PLOD3: variants seen among roughly 807,000 people sequenced by gnomAD.
PLOD3 encodes procollagen-lysine,2-oxoglutarate 5-dioxygenase 3, also known as multifunctional procollagen lysine hydroxylase and glycosyltransferase LH3.
In PLOD3, 73 loss-of-function variants were observed where a neutral mutation model predicts 96.9. That is an observed-to-expected ratio of 0.75 (90% CI 0.62 to 0.92). PLOD3 has a LOEUF of 0.92. PLOD3 is among the 40% of genes least tolerant of loss of function. The pLI is 0.00. For synonymous variants in PLOD3, 454 were observed against 413.7 expected, an observed-to-expected ratio of 1.10 and a Z score of -1.18; for missense variants, 1,004 against 1,004.3, an observed-to-expected ratio of 1.00 and a Z score of 0.00.
intron 4 of PLOD3, 43 bp from the exon 5 acceptor site, chr7:101,216,063 C>T (rs957391746): frequency 6.2e-7 from 1 of 1,605,150 alleles, no homozygotes; most frequent in Non-Finnish European, 8.5e-7. Flanking sequence ...TCCCAGGGTC[C>T]CAGGGCCTGT....
At position 101,209,724 on chromosome 7, in the gene PLOD3, A is replaced by G. The variant is rs544424662; in HGVS notation, c.1683+369T>C. Reference sequence around the variant, plus strand: ...TATTTAATTTTTTTGTTGTTGTTGTAGAGACAGATTCTCGCTATGTTGCCC... The same window carrying G: ...TATTTAATTTTTTTGTTGTTGTTGTGGAGACAGATTCTCGCTATGTTGCCC... On this transcript the variant is annotated intron_variant, in intron 15 of 18. Coordinates refer to ENST00000223127, the MANE Select transcript of PLOD3 (RefSeq NM_001084.5). The G allele has an allele frequency of 8.6e-5, 17 of 197,184 alleles. No individual in the cohort carries two copies. The South Asian group carries it at 2.2e-3, about 25-fold the overall frequency. The allele number at this position is 197,184 out of a possible 1,614,324, so 12.2% of individuals were successfully genotyped here.
chr7:101,206,806 G>C lies in PLOD3; in HGVS notation c.2034C>G (p.Ala678=). ...CATAGTCCAGGCCCTTGTGGTTGAG[G>C]GCAACGTTGAGGGTGAAGGTGGATG... ...HDSSTFTLNV[A]LNHKGLDYEG... Residue 678 remains alanine (A), a synonymous_variant, in exon 18 of 19, where the codon GCC becomes GCG. Coordinates refer to ENST00000223127, the MANE Select transcript of PLOD3 (RefSeq NM_001084.5). 6.3e-7 allele frequency: 1 copy of C among 1,583,140 alleles called. No individual in the cohort carries two copies. The highest frequency in any genetic ancestry group is 8.6e-7 in the Non-Finnish European group (1 of 1,164,352).
At position 101,209,071 on chromosome 7, in the gene PLOD3, C is replaced by T. The variant is rs973990627; in HGVS notation, c.1684-114G>A. 1.1e-4 allele frequency: 87 copies of T among 788,928 alleles called. 2 individuals carry two copies. The South Asian group carries it at 1.2e-3, about 11-fold the overall frequency. The allele number at this position is 788,928 out of a possible 1,614,324, so 48.9% of individuals were successfully genotyped here. ...AGGAGCAGGGAAGGCTTTGTGAGAG[C>T]AGCCGGGGACCCGCCAGGTAGGGGC... On this transcript the variant is annotated intron_variant, in intron 15 of 18. Coordinates refer to ENST00000223127, the MANE Select transcript of PLOD3 (RefSeq NM_001084.5).
At chr7:101,215,794 G>A (rs1410965006) in intron 5 of PLOD3, 114 bp downstream of exon 5, 17 of 759,246 alleles carry the variant, frequency 2.2e-5, no homozygotes, top group Admixed American at 8.0e-5. Context: ...GAGCCACCAC[G>A]CCCAGGCACA....
intron 6 of PLOD3, 27 bp from the exon 7 acceptor site, chr7:101,213,231 G>A (rs758778033): frequency 1.6e-5 from 24 of 1,468,760 alleles, no homozygotes; most frequent in Non-Finnish European, 2.3e-5. Context: ...CCAGGCTTCA[G>A]ACCCCCTTTC....
At position 101,216,278 on chromosome 7, in the gene PLOD3, G is replaced by C. The variant is rs773824188; in HGVS notation, c.387C>G (p.Phe129Leu). ...AGAGCAGGCGGCTGCCACTCTGGAC[G>C]AACTTCTTCAGCAGCTCTGTGGGGC... Reference protein sequence around the residue: ...AGSPTELLKKFVQSGSRLLFS... With the variant: ...AGSPTELLKKLVQSGSRLLFS... The change falls in exon 4 of 19, where the codon TTC becomes TTG. Residue 129 changes from phenylalanine to leucine, a missense_variant. Around this residue, in one of 5 missense-constraint regions of PLOD3, gnomAD observed 690 missense variants for 650.2 expected, o/e 1.06. Coordinates refer to ENST00000223127, the MANE Select transcript of PLOD3 (RefSeq NM_001084.5). 6.2e-7 allele frequency: 1 copy of C among 1,613,544 alleles called. No individual in the cohort carries two copies.
In PLOD3 at chr7:101,217,193, G is replaced by T; in HGVS notation, c.82C>A (p.Pro28Thr). The change falls in exon 1 of 19, where the codon CCC becomes ACC. Residue 28 changes from proline (P) to threonine (T), a missense_variant. Coordinates refer to ENST00000223127, the MANE Select transcript of PLOD3 (RefSeq NM_001084.5). ...GGGTTGACCGGGTCTCGGCCCCGGG[G>T]CCGGTCGGAGGCTGAGGCCGCAGGG... Reference protein sequence around the residue: ...LPPAASASDRPRGRDPVNPEK... With the variant: ...LPPAASASDRTRGRDPVNPEK... 6.7e-7 allele frequency: 1 copy of T among 1,495,142 alleles called. No homozygotes were observed. 92.6% of individuals were successfully genotyped at this position (1,495,142 alleles called of 1,614,324 possible).
At chr7:101,216,979 T>G (rs1294801127) in intron 1 of PLOD3, 187 bp downstream of exon 1, 3 of 768,176 alleles carry the variant, frequency 3.9e-6, no homozygotes, top group Non-Finnish European at 6.4e-6. Context: ...TCCCTTTGCA[T>G]AGGGAGGCTG....
chr7:101,211,979 G>A (rs1041161256), intron 10 of PLOD3, 29 bp from the exon 11 acceptor site: 18 of 1,487,142 alleles, frequency 1.2e-5, no homozygotes, highest in Middle Eastern at 2.0e-4. Flanking sequence ...CTGAGACGGC[G>A]GCAGGTGGGG....
chr7:101,210,526 G>A lies in PLOD3; in HGVS notation c.1500+6C>T, dbSNP rs77805300. On this transcript the variant is annotated splice_donor_region_variant and intron_variant, in intron 13 of 18. Coordinates refer to ENST00000223127, the MANE Select transcript of PLOD3 (RefSeq NM_001084.5). ...CCCCCAGGCCAGACCGTGCACCCGC[G>A]CTCACCTTGTCTCGAAAGCTCTTAC... 8.5e-3 allele frequency: 13,686 copies of A among 1,614,112 alleles called. 222 individuals are homozygous for A. The highest frequency in any genetic ancestry group is 0.079 in the East Asian group (3,546 of 44,856).
rs149365032 is a variant in PLOD3 at position 101,211,041 on chromosome 7, C to T, written c.1359-368G>A. On this transcript the variant is annotated intron_variant, in intron 12 of 18. Transcript: ENST00000223127. ...GATTAGAGGTGCCAGCCACCATGCCCGGCTGATTTTTGTATTTTTGGTAGA... is the reference window on the plus strand; with the variant it reads ...GATTAGAGGTGCCAGCCACCATGCCTGGCTGATTTTTGTATTTTTGGTAGA... 5.1e-5 allele frequency: 14 copies of T among 273,022 alleles called. No individual in the cohort carries two copies. In the East Asian group the frequency reaches 1.1e-3, roughly 21 times the overall value. The allele number at this position is 273,022 out of a possible 1,614,324, so 16.9% of individuals were successfully genotyped here. A position where few individuals can be genotyped will look rare whatever the true frequency, so the allele number is the denominator to read the frequency against.
chr7:101,210,628 C>A lies in PLOD3; in HGVS notation c.1404G>T (p.Arg468=). The change falls in exon 13 of 19, where the codon CGG becomes CGT. Residue 468 remains arginine, a synonymous_variant. Coordinates refer to ENST00000223127, the MANE Select transcript of PLOD3 (RefSeq NM_001084.5). The part of the protein sequence containing the change: ...VPYISQAYVI[R]GDTLRMELPQ... ...GCAGCTCCATCCGCAGGGTATCACC[C>A]CGGATCACATAGGCCTGGGAGATGT... The A allele has an allele frequency of 6.2e-7, 1 of 1,614,192 alleles. No individual in the cohort carries two copies. The highest frequency in any genetic ancestry group is 8.5e-7 in the Non-Finnish European group (1 of 1,180,028).
chr7:101,216,176 G>GA lies in PLOD3; in HGVS notation c.488dup (p.Leu164ProfsTer25). 6.2e-7 allele frequency: 1 copy of GA among 1,613,996 alleles called. No individual in the cohort carries two copies. On this transcript the variant is annotated frameshift_variant, in exon 4 of 19. Coordinates refer to ENST00000223127, the MANE Select transcript of PLOD3 (RefSeq NM_001084.5). LOFTEE classifies it high-confidence loss of function. The stretch of plus-strand genomic sequence containing the variant: ...TCTGCCACTCACCACCAGAATTGAG[G>GA]AAGCGCTTCCCCGTGCCCACCTCAG...
Position 101,215,151 on chromosome 7 carries a change from T to C in PLOD3, c.617A>G (p.Glu206Gly). The change falls in exon 6 of 19, where the codon GAG becomes GGG. Residue 206 changes from glutamate (E) to glycine (G), a missense_variant and splice_region_variant. Physicochemically the swap from Glu to Gly is moderately conservative, Grantham distance 98. Transcript: ENST00000223127. ...ATGATCCAGATTAAGGCTGAGTTTC[T>C]CCTAAATGGAATGAGATGCGATGGA... ...TRLYLDPGLR[E>G]KLSLNLDHKS... 6.2e-7 allele frequency: 1 copy of C among 1,607,714 alleles called. No homozygotes were observed. Among genetic ancestry groups the C allele is most frequent in the Non-Finnish European group, 8.5e-7 (1 of 1,174,096 alleles).
In PLOD3 at chr7:101,211,594, C is replaced by G. The variant is rs370762684; in HGVS notation, c.1355G>C (p.Arg452Pro). 8 of 1,599,324 alleles carry G rather than the reference C, an allele frequency of 5.0e-6. No homozygotes were observed. Among genetic ancestry groups the G allele is most frequent in the Non-Finnish European group, 4.3e-6 (5 of 1,173,970 alleles). ...EDYVELVQRK[R>P]VGVWNVPYIS... ...GCTGCAGGCTGGCGGGACTCACACTCGCTTCCGCTGCACCAGCTCCACGTA... is the reference window on the plus strand; with the variant it reads ...GCTGCAGGCTGGCGGGACTCACACTGGCTTCCGCTGCACCAGCTCCACGTA... The change falls in exon 12 of 19, where the codon CGA becomes CCA. Residue 452 changes from arginine to proline, a missense_variant. Physicochemically the swap from Arg to Pro is moderately radical, Grantham distance 103. Coordinates refer to ENST00000223127, the MANE Select transcript of PLOD3 (RefSeq NM_001084.5).
In PLOD3 at chr7:101,210,364, G is replaced by A; in HGVS notation, c.1581C>T (p.His527=). The A allele has an allele frequency of 6.2e-7, 1 of 1,614,174 alleles. No individual in the cohort carries two copies. Among genetic ancestry groups the A allele is most frequent in the East Asian group, 2.2e-5 (1 of 44,886 alleles). Residue 527 remains histidine (H), a synonymous_variant, in exon 14 of 19, where the codon CAC becomes CAT. Coordinates refer to ENST00000223127, the MANE Select transcript of PLOD3 (RefSeq NM_001084.5). ...ATSRYDTEHL[H]PDLWQIFDNP... is the part of the protein sequence containing the mutation. ...TGTCGAAGATCTGCCAGAGGTCGGG[G>A]TGCAGGTGCTCCGTGTCGTATCTGG...
In PLOD3 at chr7:101,211,677, C is replaced by T. The variant is rs764565312; in HGVS notation, c.1272G>A (p.Leu424=). 6.2e-7 allele frequency: 1 copy of T among 1,608,028 alleles called. No homozygotes were observed. Among genetic ancestry groups the T allele is most frequent in the Non-Finnish European group, 8.5e-7 (1 of 1,177,814 alleles). Residue 424 remains leucine, a synonymous_variant, in exon 12 of 19, where the codon CTG becomes CTA. Transcript: ENST00000223127. ...IAPMLSRHGK[L]WSNFWGALSP... ...TCAGGGCGCCCCAGAAGTTGGACCA[C>T]AGCTTGCCGTGGCGGGACAGCATGG... is the stretch of plus-strand genomic sequence containing the variant.
rs143734860 is a variant in PLOD3, at chr7:101,215,952, C to G, written c.571G>C (p.Asp191His). The G allele has an allele frequency of 6.2e-7, 1 of 1,613,120 alleles. No homozygotes were observed. The highest frequency in any genetic ancestry group is 1.7e-5 in the Admixed American group (1 of 59,950). ...TAGAGCCGTGTGTAGAACAGCTGGT[C>G]GTCGTCATCATCCTTGTACTTCCAC... ...RQWKYKDDDD[D>H]QLFYTRLYLD... Residue 191 changes from aspartate (D) to histidine (H), a missense_variant, in exon 5 of 19, where the codon GAC becomes CAC. Transcript: ENST00000223127.
intron 18 of PLOD3, 118 bp downstream of exon 18, chr7:101,206,659 ACC>A: frequency 1.6e-6 from 2 of 1,229,960 alleles, no homozygotes; most frequent in Non-Finnish European, 2.3e-6. Context: ...AGGAGCTGAT[ACC>A]CACAAAGTCA....
Sources: allele counts gnomAD v4.1 joint callset, GRCh38; gene constraint gnomAD v4.1.1; regional missense constraint gnomAD v4.1.1; transcripts MANE v1.5; gene names NCBI Gene and HGNC (gene_info 2026-07-23, HGNC 2026-07-21).